NXPH1: variants seen among roughly 807,000 people sequenced by gnomAD.
NXPH1 encodes the protein neurexophilin 1.
A neutral mutation model predicts 23.7 loss-of-function variants in NXPH1; 5 were observed. The observed-to-expected ratio is 0.21, with a 90% CI of 0.11 to 0.44. The LOEUF (loss-of-function observed/expected upper bound fraction) is 0.44, where lower values mean the gene tolerates loss of function less well. Among genes scored for constraint, NXPH1 ranks in the 20% least tolerant of loss-of-function variants. The pLI is 0.99. For missense variants in NXPH1, 324 were observed against 321.6 expected (o/e 1.01, Z -0.06); for synonymous variants, 144 against 122.2 (o/e 1.18, Z -1.18).
chr7:8,617,388 A>G (rs560352644), intron 2 of NXPH1, among the ~76,000 whole-genome samples: 1 of 152,248 alleles, frequency 6.6e-6, no homozygotes, highest in East Asian at 1.9e-4. Context: ...ACAATAGCTA[A>G]GATTTGGATG....
At chr7:8,474,676 C>A (rs144249034) in intron 2 of NXPH1, among the ~76,000 whole-genome samples, 243 of 152,240 alleles carry the variant, frequency 1.6e-3, no homozygotes, top group African/African-American at 5.6e-3. Context: ...TTAATAGTCG[C>A]ATACTAACTC....
At chr7:8,721,710 G>A (rs1004553465) in intron 2 of NXPH1, among the ~76,000 whole-genome samples, 2 of 152,220 alleles carry the variant, frequency 1.3e-5, no homozygotes, top group Admixed American at 6.5e-5. Context: ...CCCAGGAGGC[G>A]GAGCTTGCAG....
chr7:8,517,716 AGG>A (rs1231367775), intron 2 of NXPH1, among the ~76,000 whole-genome samples: 6 of 152,170 alleles, frequency 3.9e-5, no homozygotes, highest in African/African-American at 1.4e-4. Context: ...AGCGGAGGTC[AGG>A]GAAGTGGGGA....
At chr7:8,596,980 AT>A (rs987632893) in intron 2 of NXPH1, among the ~76,000 whole-genome samples, 2 of 152,124 alleles carry the variant, frequency 1.3e-5, no homozygotes, top group Non-Finnish European at 2.9e-5. Flanking sequence ...TAATCTTGGT[AT>A]GGGAAGAAAG....
chr7:8,556,616 A>G (rs896542406), intron 2 of NXPH1, among the ~76,000 whole-genome samples: 1 of 151,760 alleles, frequency 6.6e-6, no homozygotes, highest in Non-Finnish European at 1.5e-5. Context: ...ACAACATTAC[A>G]TCATCAGAAA....
chr7:8,730,354 T>G (rs1219303556), intron 2 of NXPH1, among the ~76,000 whole-genome samples: 6 of 149,280 alleles, frequency 4.0e-5, no homozygotes, highest in African/African-American at 5.0e-5. Flanking sequence ...AAAGTTAATA[T>G]TGTTATGTGT....
chr7:8,679,380 A>G (rs1821016347), intron 2 of NXPH1, among the ~76,000 whole-genome samples: 1 of 152,198 alleles, frequency 6.6e-6, no homozygotes, highest in Non-Finnish European at 1.5e-5. Flanking sequence ...GGGGTGCCGC[A>G]CTGGAGAGCT....
At chr7:8,448,382 C>T (rs1816442742) in intron 2 of NXPH1, among the ~76,000 whole-genome samples, 1 of 152,216 alleles carries the variant, frequency 6.6e-6, no homozygotes, top group Non-Finnish European at 1.5e-5. Flanking sequence ...GAATATGACA[C>T]AGAAGGGCTG....
chr7:8,637,038 A>G (rs982583091), intron 2 of NXPH1, among the ~76,000 whole-genome samples: 1 of 152,154 alleles, frequency 6.6e-6, no homozygotes, highest in Non-Finnish European at 1.5e-5. Context: ...TGGTACAAAA[A>G]TCCTTTTGTG....
intron 2 of NXPH1, among the ~76,000 whole-genome samples, chr7:8,525,943 G>T (rs1428629394): frequency 2.6e-5 from 4 of 152,196 alleles, no homozygotes; most frequent in African/African-American, 7.2e-5. Context: ...CCCTACTGGG[G>T]CTCCACCTAG....
chr7:8,468,196 A>G (rs1442718581), intron 2 of NXPH1, among the ~76,000 whole-genome samples: 1 of 152,162 alleles, frequency 6.6e-6, no homozygotes, highest in East Asian at 1.9e-4. Flanking sequence ...GATATTCTAT[A>G]AAGATAAATC....
chr7:8,479,361 T>G (rs1411111539), intron 2 of NXPH1, among the ~76,000 whole-genome samples: 1 of 152,158 alleles, frequency 6.6e-6, no homozygotes, highest in Non-Finnish European at 1.5e-5. Context: ...ATTTTCTAAT[T>G]CTGTCATTCC....
At chr7:8,477,238 G>A (rs1349942734) in intron 2 of NXPH1, among the ~76,000 whole-genome samples, 6 of 152,202 alleles carry the variant, frequency 3.9e-5, no homozygotes, top group Non-Finnish European at 1.5e-5. Flanking sequence ...GCAATTAAAG[G>A]AAGGTCTACC....
chr7:8,687,639 C>T (rs974192770), intron 2 of NXPH1, among the ~76,000 whole-genome samples: 3 of 152,188 alleles, frequency 2.0e-5, no homozygotes, highest in East Asian at 3.9e-4. Flanking sequence ...TGATTTGGGG[C>T]AAGATAACCA....
intron 2 of NXPH1, among the ~76,000 whole-genome samples, chr7:8,688,013 C>T (rs150908780): frequency 2.6e-5 from 4 of 152,078 alleles, no homozygotes; most frequent in Non-Finnish European, 5.9e-5. Flanking sequence ...TTTTTTATGC[C>T]AAGAAATGTA....
At chr7:8,660,608 T>C (rs1820655840) in intron 2 of NXPH1, among the ~76,000 whole-genome samples, 3 of 152,170 alleles carry the variant, frequency 2.0e-5, no homozygotes, top group African/African-American at 7.2e-5. Context: ...AAATTTGAAA[T>C]GAATTGGACA....
chr7:8,572,687 C>T (rs899787448), intron 2 of NXPH1, among the ~76,000 whole-genome samples: 69 of 151,890 alleles, frequency 4.5e-4, no homozygotes, highest in African/African-American at 1.6e-3. Flanking sequence ...GCATCTAATA[C>T]ATAATGGAAA....
chr7:8,745,692 A>G (rs1040121407), intron 2 of NXPH1, among the ~76,000 whole-genome samples: 1 of 148,124 alleles, frequency 6.8e-6, no homozygotes, highest in East Asian at 2.0e-4. Flanking sequence ...TGCTGGGACT[A>G]CAGGCATGTG....
intron 2 of NXPH1, among the ~76,000 whole-genome samples, chr7:8,662,565 T>G (rs1820694659): frequency 6.6e-6 from 1 of 152,126 alleles, no homozygotes; most frequent in African/African-American, 2.4e-5. Context: ...GGTATTTTTT[T>G]TAAATTTGTG....
Sources: gnomAD v4.1 joint callset for allele counts (sites outside exome capture counted in the v4.1 genomes callset) on GRCh38, gnomAD v4.1.1 for gene constraint, MANE v1.5 for transcripts, NCBI Gene and HGNC (gene_info 2026-07-23, HGNC 2026-07-21) for gene names.